Variants in SLC24A1 observed in about 807,000 individuals in gnomAD.
SLC24A1 encodes the protein sodium/potassium/calcium exchanger 1.
SLC24A1 carries 52 observed loss-of-function variants against 88.1 expected under a neutral mutation model. The observed-to-expected ratio is 0.59, with a 90% CI of 0.47 to 0.74. The LOEUF (loss-of-function observed/expected upper bound fraction) is 0.74. Ranked by LOEUF, SLC24A1 falls within the 30% of genes least tolerant of loss-of-function variation. SLC24A1 has a pLI of 0.00. For missense variants in SLC24A1, 1,173 were observed against 1,363.3 expected, an observed-to-expected ratio of 0.86 and a Z score of 2.20; for synonymous variants, 455 against 498.0, an observed-to-expected ratio of 0.91 and a Z score of 1.15.
At chr15:65,611,985 T>C (rs1165328436) in intron 1 of SLC24A1, 1 of 152,260 alleles carries the variant, frequency 6.6e-6, no homozygotes, top group African/African-American at 2.4e-5. Flanking sequence ...GCCCAAATGC[T>C]CACTTTATTT....
rs750942192 is a variant in SLC24A1 at position 65,648,026 on chromosome 15, C to T, written c.2232+2323C>T. On this transcript the variant is annotated intron_variant, in intron 6 of 9. Transcript: ENST00000261892. ...CTGTAATCCCAGCACTTTGGGAGGC[C>T]GAGGCGGGCGGATCACGAGCTCAGG... Among the ~76,000 whole-genome samples the T allele has an allele frequency of 5.3e-5, 8 of 152,058 alleles. 1 individual carries two copies. The highest frequency in any genetic ancestry group is 9.7e-5 in the African/African-American group (4 of 41,412).
chr15:65,621,157 G>A (rs989907461), upstream of SLC24A1, among the ~76,000 whole-genome samples: 11 of 152,206 alleles, frequency 7.2e-5, no homozygotes, highest in African/African-American at 2.4e-4. Flanking sequence ...ATGCACCCAG[G>A]TACTCTGGAG....
intron 2 of SLC24A1, among the ~76,000 whole-genome samples, chr15:65,614,875 T>C (rs1199704468): frequency 6.6e-6 from 1 of 152,244 alleles, no homozygotes; most frequent in South Asian, 2.1e-4. Context: ...TGGTAGATAC[T>C]ACATTTCTCT....
intron 7 of SLC24A1, 87 bp from the exon 8 acceptor site, chr15:65,651,583 G>A (rs963279455): frequency 5.7e-5 from 41 of 723,780 alleles, no homozygotes; most frequent in Non-Finnish European, 9.6e-5. Flanking sequence ...ATTAGACCTT[G>A]TCACTGATTG....
Position 65,643,026 on chromosome 15 carries a change from C to T in SLC24A1, c.2054-1401C>T, listed in dbSNP as rs984482850. On this transcript the variant is annotated intron_variant, in intron 4 of 9. Transcript: ENST00000261892. ...TCCCAGGTAGGACAGCTGCTCTCAA[C>T]TACTCTTGTCAATTTGTTTTCATCA... The T allele has an allele frequency of 2.9e-5, 37 of 1,289,144 alleles. No homozygotes were observed. In the Middle Eastern group the frequency reaches 6.4e-4, roughly 22 times the overall value. 79.9% of individuals were successfully genotyped at this position (1,289,144 alleles called of 1,614,324 possible).
intron 7 of SLC24A1, among the ~76,000 whole-genome samples, 151 bp downstream of exon 7, chr15:65,651,093 C>A (rs1029996303): frequency 1.3e-5 from 2 of 152,034 alleles, no homozygotes; most frequent in African/African-American, 4.8e-5. Flanking sequence ...GGGACTGAAG[C>A]CTTGGAGGGG....
At chr15:65,633,516 C>T (rs1383113790) in intron 2 of SLC24A1, among the ~76,000 whole-genome samples, 1 of 151,642 alleles carries the variant, frequency 6.6e-6, no homozygotes, top group African/African-American at 2.4e-5. Context: ...AAAAATTAGC[C>T]GGATGTGGTG....
intron 2 of SLC24A1, among the ~76,000 whole-genome samples, chr15:65,615,487 A>G (rs2074108074): frequency 6.6e-6 from 1 of 152,182 alleles, no homozygotes; most frequent in Non-Finnish European, 1.5e-5. Flanking sequence ...GTTCGAGGCA[A>G]GCCTGACCAA....
downstream of SLC24A1, chr15:65,660,466 T>TGGCTA: frequency 1.8e-6 from 1 of 556,710 alleles, no homozygotes; most frequent in Non-Finnish European, 3.1e-6. Context: ...TCTTTAAAGC[T>TGGCTA]GGCTAGGGAA....
rs1027916301 is a variant in SLC24A1, at chr15:65,656,189, C to T, written c.*2110C>T. The T allele has an allele frequency of 2.0e-6, 2 of 984,778 alleles. No homozygotes were observed. Among genetic ancestry groups the T allele is most frequent in the Non-Finnish European group, 2.4e-6 (2 of 829,380 alleles). 61.0% of individuals were successfully genotyped at this position (984,778 alleles called of 1,614,324 possible). A position where few individuals can be genotyped will look rare whatever the true frequency, so the allele number is the denominator to read the frequency against. ...TCAGACTGGAGTAAGGAGTGATGGACCGTAAAATGCTGTGTAATGATAAAA... is the reference window on the plus strand; with the variant it reads ...TCAGACTGGAGTAAGGAGTGATGGATCGTAAAATGCTGTGTAATGATAAAA... On this transcript the variant is annotated 3_prime_UTR_variant, in exon 10 of 10. Transcript: ENST00000261892.
At chr15:65,617,207 G>A (rs1256644720), upstream of SLC24A1, among the ~76,000 whole-genome samples, 3 of 152,162 alleles carry the variant, frequency 2.0e-5, no homozygotes, top group African/African-American at 4.8e-5. Context: ...TCTTGGCAAC[G>A]TGGGCTCTTT....
In SLC24A1 at chr15:65,651,730, T is replaced by C. The variant is rs753680180; in HGVS notation, c.2854T>C (p.Ser952Pro). Residue 952 changes from serine to proline, a missense_variant, in exon 8 of 10, where the codon TCA (serine) becomes CCA (proline). Ser to Pro is a moderately conservative substitution (Grantham distance 74). Coordinates refer to ENST00000261892, the MANE Select transcript of SLC24A1 (RefSeq NM_004727.3). ...ATCTATCATGTGGATAGCCATGTTC[T>C]CATACCTCATGGTGTGGTGGGCTCA... ...LGSIMWIAMF[S>P]YLMVWWAHQV... The C allele has an allele frequency of 1.2e-6, 2 of 1,609,012 alleles. No individual in the cohort carries two copies. Among genetic ancestry groups the C allele is most frequent in the South Asian group, 2.2e-5 (2 of 90,846 alleles).
At position 65,650,346 on chromosome 15, in the gene SLC24A1, G is replaced by A; in HGVS notation, c.2233-36G>A. 6.6e-7 allele frequency: 1 copy of A among 1,515,022 alleles called. No individual in the cohort carries two copies. The highest frequency in any genetic ancestry group is 8.9e-7 in the Non-Finnish European group (1 of 1,117,648). The allele number at this position is 1,515,022 out of a possible 1,614,324, so 93.8% of individuals were successfully genotyped here. A position where few individuals can be genotyped will look rare whatever the true frequency, so the allele number is the denominator to read the frequency against. On this transcript the variant is annotated intron_variant, in intron 6 of 9. Coordinates refer to ENST00000261892, the MANE Select transcript of SLC24A1 (RefSeq NM_004727.3). The surrounding 1 kb of genome is among the most constrained non-coding windows in gnomAD (Gnocchi z 4.1). Reference sequence around the variant, plus strand: ...TAACATAAGGAAAACAAGCAGAGCAGTTACCACACATTAATCTGTTGGTTT... The same window carrying A: ...TAACATAAGGAAAACAAGCAGAGCAATTACCACACATTAATCTGTTGGTTT...
chr15:65,652,525 C>A, intron 8 of SLC24A1, 117 bp from the exon 9 acceptor site: 1 of 868,594 alleles, frequency 1.2e-6, no homozygotes, highest in Admixed American at 2.2e-5. Context: ...CTCACTCAGG[C>A]TGAGGGGGTG....
chr15:65,623,998 C>T lies in SLC24A1; in HGVS notation c.-83C>T. 1 of 1,315,812 alleles carries T rather than the reference C, an allele frequency of 7.6e-7. No individual in the cohort carries two copies. The highest frequency in any genetic ancestry group is 1.0e-6 in the Non-Finnish European group (1 of 955,482). The allele number at this position is 1,315,812 out of a possible 1,614,324, so 81.5% of individuals were successfully genotyped here. On this transcript the variant is annotated 5_prime_UTR_variant, in exon 2 of 10. Coordinates refer to ENST00000261892, the MANE Select transcript of SLC24A1 (RefSeq NM_004727.3). ...GCTGGGCTTCATGGAGAAATCTTCT[C>T]TGATCACCAACCTGAATCCCAGAGT... is the stretch of plus-strand genomic sequence containing the variant.
rs1269679659 is a variant in SLC24A1, at chr15:65,654,168, T to C, written c.*89T>C. ...TGTGACCCTAATGAAAGAATGTATA[T>C]GATCCTGGAAAGTGAACTGGGTGAC... On this transcript the variant is annotated 3_prime_UTR_variant, in exon 10 of 10. Coordinates refer to ENST00000261892, the MANE Select transcript of SLC24A1 (RefSeq NM_004727.3). The C allele has an allele frequency of 1.3e-6, 2 of 1,530,474 alleles. No homozygotes were observed. Among genetic ancestry groups the C allele is most frequent in the Non-Finnish European group, 8.8e-7 (1 of 1,141,888 alleles). The allele number at this position is 1,530,474 out of a possible 1,614,324, so 94.8% of individuals were successfully genotyped here.
chr15:65,618,298 A>G (rs1370064758), upstream of SLC24A1, among the ~76,000 whole-genome samples: 1 of 152,188 alleles, frequency 6.6e-6, no homozygotes, highest in Admixed American at 6.5e-5. Flanking sequence ...CCTAAATGCA[A>G]TAATGTTATA....
upstream of SLC24A1, among the ~76,000 whole-genome samples, chr15:65,617,650 T>G (rs1240512570): frequency 6.6e-6 from 1 of 152,218 alleles, no homozygotes; most frequent in Non-Finnish European, 1.5e-5. Context: ...GTTTTCTAAA[T>G]ATACAATCAT....
At position 65,653,832 on chromosome 15, in the gene SLC24A1, T is replaced by C; in HGVS notation, c.3053T>C (p.Leu1018Ser). 6.2e-7 allele frequency: 1 copy of C among 1,613,740 alleles called. No individual in the cohort carries two copies. The highest frequency in any genetic ancestry group is 8.5e-7 in the Non-Finnish European group (1 of 1,179,718). The change falls in exon 10 of 10, where the codon TTG becomes TCG. Residue 1018 changes from leucine to serine, a missense_variant and splice_region_variant. Physicochemically the swap from Leu to Ser is moderately radical, Grantham distance 145. Coordinates refer to ENST00000261892, the MANE Select transcript of SLC24A1 (RefSeq NM_004727.3). Reference protein sequence around the residue: ...GSNIFDITVGLPVPWLLFSLI... With the variant: ...GSNIFDITVGSPVPWLLFSLI... ...ACATCGTTTCTTCAATCTTGCAGCT[T>C]GCCTGTTCCTTGGTTGCTTTTCTCT...
Sources: allele counts gnomAD v4.1 joint callset (sites outside exome capture counted in the v4.1 genomes callset), GRCh38; gene constraint gnomAD v4.1.1; non-coding constraint Gnocchi (gnomAD v3.1); transcripts MANE v1.5; gene names NCBI Gene and HGNC (gene_info 2026-07-23, HGNC 2026-07-21).